The following CNTN5 variants were observed in gnomAD, a reference collection of about 807,000 sequenced individuals.
CNTN5 encodes contactin-5.
In CNTN5, 77 loss-of-function variants were observed where a neutral mutation model predicts 129.1. That is an observed-to-expected ratio of 0.60 (90% CI 0.50 to 0.72). CNTN5 has a LOEUF of 0.72. Ranked by LOEUF, CNTN5 falls within the 30% of genes least tolerant of loss-of-function variation. The probability of loss-of-function intolerance (pLI) is 0.00; values close to 1 mark genes in which losing one functional copy is unlikely to be tolerated. For synonymous variants in CNTN5, 509 were observed against 465.6 expected (o/e 1.09, Z -1.20); for missense variants, 1,478 against 1,328.8 (o/e 1.11, Z -1.75).
intron 1 of CNTN5, among the ~76,000 whole-genome samples, chr11:99,040,554 C>T (rs1463382584): frequency 6.6e-6 from 1 of 151,808 alleles, no homozygotes; most frequent in Non-Finnish European, 1.5e-5. Context: ...GATATAAATT[C>T]AAAGAAAAGA....
intron 4 of CNTN5, among the ~76,000 whole-genome samples, chr11:99,834,021 A>G (rs1947227312): frequency 6.6e-6 from 1 of 152,198 alleles, no homozygotes; most frequent in Non-Finnish European, 1.5e-5. Context: ...TTTGTGAGTG[A>G]AAATTCTCTT....
At chr11:99,886,893 C>CT (rs753929103) in intron 6 of CNTN5, among the ~76,000 whole-genome samples, 2 of 151,776 alleles carry the variant, frequency 1.3e-5, no homozygotes, top group South Asian at 2.1e-4. Context: ...GAGGAAACTT[C>CT]TTTTTTTTAA....
At chr11:99,376,622 A>G (rs921934168) in intron 2 of CNTN5, among the ~76,000 whole-genome samples, 1 of 152,204 alleles carries the variant, frequency 6.6e-6, no homozygotes, top group African/African-American at 2.4e-5. Context: ...TGTTGTGGTC[A>G]GAATCCTGTA....
intron 17 of CNTN5, among the ~76,000 whole-genome samples, chr11:100,269,306 G>A (rs1434825041): frequency 1.3e-5 from 2 of 152,148 alleles, no homozygotes; most frequent in African/African-American, 4.8e-5. Flanking sequence ...GTAAGAGTCT[G>A]AATAGCATGG....
chr11:99,927,537 A>C (rs553545454), intron 7 of CNTN5, among the ~76,000 whole-genome samples: 1 of 152,306 alleles, frequency 6.6e-6, no homozygotes, highest in South Asian at 2.1e-4. Flanking sequence ...GCAAAAGGGA[A>C]AGCAAATACA....
intron 7 of CNTN5, among the ~76,000 whole-genome samples, chr11:99,922,510 G>T (rs1199090350): frequency 6.6e-6 from 1 of 152,162 alleles, no homozygotes; most frequent in Non-Finnish European, 1.5e-5. Flanking sequence ...TAAATAACCT[G>T]ATACGTGCTA....
intron 2 of CNTN5, among the ~76,000 whole-genome samples, chr11:99,471,396 C>T (rs1479317543): frequency 2.6e-5 from 4 of 152,024 alleles, no homozygotes; most frequent in African/African-American, 9.7e-5. Context: ...CATATTTTCA[C>T]CTCCCACTTT....
intron 1 of CNTN5, among the ~76,000 whole-genome samples, chr11:99,321,361 AC>A (rs1266748356): frequency 1.3e-5 from 2 of 149,450 alleles, no homozygotes; most frequent in Admixed American, 1.3e-4. Context: ...TATATATATA[AC>A]ATATATATAT....
intron 3 of CNTN5, among the ~76,000 whole-genome samples, chr11:99,737,141 A>C (rs1943736702): frequency 6.9e-6 from 1 of 145,182 alleles, no homozygotes; most frequent in African/African-American, 2.8e-5. Context: ...GCACACACAC[A>C]CAAACACACA....
chr11:100,308,050 T>C (rs1057420848), intron 20 of CNTN5, among the ~76,000 whole-genome samples: 8 of 151,654 alleles, frequency 5.3e-5, no homozygotes, highest in Non-Finnish European at 1.2e-4. Flanking sequence ...CCATAGTCCA[T>C]TTTTATAGGA....
chr11:99,300,498 T>A (rs2135943452), intron 1 of CNTN5, among the ~76,000 whole-genome samples: 1 of 152,226 alleles, frequency 6.6e-6, no homozygotes, highest in East Asian at 1.9e-4. Flanking sequence ...TTGTTTGATA[T>A]CCTGTTGAAT....
intron 3 of CNTN5, among the ~76,000 whole-genome samples, chr11:99,801,348 C>G (rs1005538635): frequency 1.3e-5 from 2 of 152,140 alleles, no homozygotes; most frequent in African/African-American, 2.4e-5. Context: ...ACATGTTTCT[C>G]TAGCTGCCTT....
intron 1 of CNTN5, among the ~76,000 whole-genome samples, chr11:99,324,425 C>T (rs866057662): frequency 6.6e-6 from 1 of 152,100 alleles, no homozygotes; most frequent in African/African-American, 2.4e-5. Flanking sequence ...TTTGTCCTCA[C>T]TAAATTTTTA....
chr11:100,099,071 A>AG (rs1945122688), intron 13 of CNTN5, among the ~76,000 whole-genome samples: 1 of 152,064 alleles, frequency 6.6e-6, no homozygotes, highest in South Asian at 2.1e-4. Context: ...AGGTATACAG[A>AG]GGGGGATATT....
intron 2 of CNTN5, among the ~76,000 whole-genome samples, chr11:99,477,840 T>G (rs2135299804): frequency 6.6e-6 from 1 of 152,134 alleles, no homozygotes; most frequent in South Asian, 2.1e-4. Flanking sequence ...GCTGAATATT[T>G]TATCTTACAT....
intron 3 of CNTN5, among the ~76,000 whole-genome samples, chr11:99,817,598 T>TTG (rs1183115854): frequency 1.2e-4 from 8 of 64,418 alleles, no homozygotes; most frequent in African/African-American, 5.3e-4. Context: ...CTGGGATAGT[T>TTG]TTTTTTTTTT....
intron 1 of CNTN5, among the ~76,000 whole-genome samples, chr11:99,233,961 T>C (rs1861137681): frequency 6.6e-6 from 1 of 151,846 alleles, no homozygotes; most frequent in South Asian, 2.1e-4. Context: ...AATAAATAAA[T>C]AAATAAATAA....
chr11:100,289,029 G>A (rs187806895), intron 18 of CNTN5, among the ~76,000 whole-genome samples: 7 of 152,088 alleles, frequency 4.6e-5, no homozygotes, highest in East Asian at 3.9e-4. Flanking sequence ...TAAATTCCTC[G>A]AAACATACAC....
chr11:100,170,870 A>G (rs1379633021), intron 13 of CNTN5, among the ~76,000 whole-genome samples: 15 of 148,746 alleles, frequency 1.0e-4, no homozygotes, highest in Non-Finnish European at 4.4e-5. Flanking sequence ...AAAAGAAATT[A>G]TAGAAGGTAT....
Sources: allele counts gnomAD v4.1 joint callset (sites outside exome capture counted in the v4.1 genomes callset), GRCh38; gene constraint gnomAD v4.1.1; transcripts MANE v1.5; gene names NCBI Gene and HGNC (gene_info 2026-07-23, HGNC 2026-07-21).